The following ANKRD11 variants were observed in gnomAD, a reference collection of about 807,000 sequenced individuals.
ANKRD11 encodes ankyrin repeat domain-containing protein 11.
A neutral mutation model predicts 195.7 loss-of-function variants in ANKRD11; 17 were observed. That is an observed-to-expected ratio of 0.09 (90% confidence interval 0.06 to 0.13). ANKRD11 has a LOEUF of 0.13. Among genes scored for constraint, ANKRD11 ranks in the 10% least tolerant of loss-of-function variants. The pLI is 1.00. For missense variants in ANKRD11, 3,735 were observed against 3,566.1 expected (o/e 1.05, Z -1.21); for synonymous variants, 1,953 against 1,528.1 (o/e 1.28, Z -6.49).
chr16:89,427,528 G>A (rs1188442977), intron 1 of ANKRD11, among the ~76,000 whole-genome samples: 3 of 152,232 alleles, frequency 2.0e-5, no homozygotes, highest in South Asian at 2.1e-4. Context: ...CCGGGGTGGT[G>A]GCTCACGCCT....
chr16:89,368,057 G>A (rs767105288), intron 2 of ANKRD11, among the ~76,000 whole-genome samples: 15 of 152,148 alleles, frequency 9.9e-5, no homozygotes, highest in African/African-American at 1.7e-4. Flanking sequence ...GCTGTGCTCC[G>A]TTTATCTGAA....
intron 4 of ANKRD11, among the ~76,000 whole-genome samples, chr16:89,292,879 C>A (rs1409867769): frequency 6.6e-6 from 1 of 152,258 alleles, no homozygotes; most frequent in Non-Finnish European, 1.5e-5. Flanking sequence ...GCTTTCCCTG[C>A]ACCCTCCATG....
At chr16:89,464,600 T>A (rs1387864012) in intron 1 of ANKRD11, among the ~76,000 whole-genome samples, 2 of 115,078 alleles carry the variant, frequency 1.7e-5, no homozygotes, top group African/African-American at 3.2e-5. Flanking sequence ...AGAGTGAGAC[T>A]CCATCTTAAA....
chr16:89,408,749 C>T (rs2042005581), intron 2 of ANKRD11, among the ~76,000 whole-genome samples: 1 of 152,170 alleles, frequency 6.6e-6, no homozygotes. Flanking sequence ...CACTGATCAG[C>T]CGTGGAATCC....
At chr16:89,438,558 T>TA (rs1247607388) in intron 1 of ANKRD11, among the ~76,000 whole-genome samples, 1 of 152,066 alleles carries the variant, frequency 6.6e-6, no homozygotes, top group Non-Finnish European at 1.5e-5. Context: ...GTCTTGAACT[T>TA]ATGACTTCAG....
intron 2 of ANKRD11, among the ~76,000 whole-genome samples, chr16:89,335,575 G>A (rs1447693275): frequency 6.6e-6 from 1 of 152,224 alleles, no homozygotes; most frequent in Non-Finnish European, 1.5e-5. Context: ...TAGCAGAACA[G>A]CGAGTGACGT....
intron 4 of ANKRD11, among the ~76,000 whole-genome samples, chr16:89,294,531 G>A (rs900250002): frequency 6.6e-6 from 1 of 152,138 alleles, no homozygotes; most frequent in African/African-American, 2.4e-5. Context: ...CAGCAAACTT[G>A]CACGTCTGTC....
At chr16:89,350,508 GATCA>G (rs997606191) in intron 2 of ANKRD11, among the ~76,000 whole-genome samples, 21 of 152,276 alleles carry the variant, frequency 1.4e-4, no homozygotes, top group African/African-American at 4.8e-4. Flanking sequence ...ACAGAACCCA[GATCA>G]ATCTCAAAAG....
chr16:89,445,332 G>A (rs1012077191), intron 1 of ANKRD11, among the ~76,000 whole-genome samples: 6 of 152,140 alleles, frequency 3.9e-5, no homozygotes, highest in South Asian at 2.1e-4. Context: ...CAGCCGTTTC[G>A]AACCACTGGC....
chr16:89,297,768 T>A (rs2035541000), intron 4 of ANKRD11: 1 of 152,278 alleles, frequency 6.6e-6, no homozygotes, highest in Non-Finnish European at 1.5e-5. Flanking sequence ...TGGCTTCTCC[T>A]TCCAATCTCC....
At chr16:89,462,492 C>A (rs1034279984) in intron 1 of ANKRD11, among the ~76,000 whole-genome samples, 29 of 152,164 alleles carry the variant, frequency 1.9e-4, no homozygotes, top group African/African-American at 7.0e-4. Flanking sequence ...GGCCGCCACC[C>A]CGTCTGGGAA....
intron 1 of ANKRD11, among the ~76,000 whole-genome samples, chr16:89,454,079 A>T (rs2152319651): frequency 6.6e-6 from 1 of 152,278 alleles, no homozygotes; most frequent in Non-Finnish European, 1.5e-5. Context: ...TGCAAATGAC[A>T]TACACTCTAA....
At chr16:89,306,910 C>A (rs2036310569) in intron 3 of ANKRD11, among the ~76,000 whole-genome samples, 1 of 152,214 alleles carries the variant, frequency 6.6e-6, no homozygotes. Context: ...TCCCACTCCG[C>A]AGACACGTGC....
Position 89,284,946 on chromosome 16 carries a change from C to G in ANKRD11, c.1596G>C (p.Gln532His), listed in dbSNP as rs1473976228. Residue 532 changes from glutamine to histidine, a missense_variant, in exon 9 of 13, where the codon CAG becomes CAC. Gln to His is a conservative substitution (Grantham distance 24, BLOSUM62 0). Transcript: ENST00000301030. The stretch of plus-strand genomic sequence containing the variant: ...GGTCTGTGTGGCTGGGGTTCTGCTT[C>G]TGGGCGGCAGAGCTCCCGTGAGACG... ...STSSHGSSAA[Q>H]KQNPSHTDQH... The G allele has an allele frequency of 6.2e-7, 1 of 1,614,178 alleles. No homozygotes were observed. The highest frequency in any genetic ancestry group is 1.1e-5 in the South Asian group (1 of 91,082).
chr16:89,341,301 A>T lies in ANKRD11; in HGVS notation c.-59-24223T>A, dbSNP rs1180907356. Among the ~76,000 whole-genome samples, 7 of 152,194 alleles carry T rather than the reference A, an allele frequency of 4.6e-5. No individual in the cohort carries two copies. The East Asian group carries it at 1.3e-3, about 29-fold the overall frequency. On this transcript the variant is annotated intron_variant, in intron 2 of 12. Coordinates refer to ENST00000301030, the MANE Select transcript of ANKRD11 (RefSeq NM_013275.6). Reference sequence around the variant, plus strand: ...CTCTCTGCATTAAATACACCACAGGATTTTTCGTTTTAAATTATTAATCAG... The same window carrying T: ...CTCTCTGCATTAAATACACCACAGGTTTTTTCGTTTTAAATTATTAATCAG...
intron 1 of ANKRD11, among the ~76,000 whole-genome samples, chr16:89,434,270 C>T (rs1354747998): frequency 2.0e-5 from 3 of 151,994 alleles, no homozygotes; most frequent in Non-Finnish European, 1.5e-5. Context: ...TAATGTTTTC[C>T]AAGTAAATCT....
intron 1 of ANKRD11, among the ~76,000 whole-genome samples, chr16:89,437,898 G>A (rs189765350): frequency 3.2e-4 from 48 of 152,326 alleles, no homozygotes; most frequent in Admixed American, 6.5e-5. Flanking sequence ...AACTAGGCCC[G>A]GGGGCTGTGG....
intron 2 of ANKRD11, among the ~76,000 whole-genome samples, chr16:89,327,081 T>TGGAAATACAGAGGTG (rs2037774350): frequency 7.0e-6 from 1 of 142,192 alleles, no homozygotes; most frequent in South Asian, 2.3e-4. Context: ...ATGCAGAGGT[T>TGGAAATACAGAGGTG]GGAAATGCAG....
chr16:89,306,463 C>T (rs1597560556), intron 3 of ANKRD11, among the ~76,000 whole-genome samples: 1 of 114,570 alleles, frequency 8.7e-6, no homozygotes, highest in South Asian at 3.1e-4. Context: ...CACGCGCCAC[C>T]CACCTCCCAC....
Sources: gnomAD v4.1 joint callset for allele counts (sites outside exome capture counted in the v4.1 genomes callset) on GRCh38, gnomAD v4.1.1 for gene constraint, MANE v1.5 for transcripts, NCBI Gene and HGNC (gene_info 2026-07-23, HGNC 2026-07-21) for gene names.